Variants in TNNT2 observed in about 807,000 individuals in gnomAD.
TNNT2 encodes troponin T, cardiac muscle.
In TNNT2, 34 loss-of-function variants were observed where a neutral mutation model predicts 62.4. That is an observed-to-expected ratio of 0.54 (90% CI 0.41 to 0.72). TNNT2 has a LOEUF of 0.72. Among genes scored for constraint, TNNT2 ranks in the 30% least tolerant of loss-of-function variants. The pLI is 0.00. For missense variants in TNNT2, 275 were observed against 381.9 expected (o/e 0.72, Z 2.33); for synonymous variants, 123 against 127.2 (o/e 0.97, Z 0.22).
chr1:201,368,129 CT>C, intron 6 of TNNT2, 32 bp downstream of exon 6: 1 of 1,612,068 alleles, frequency 6.2e-7, no homozygotes, highest in Non-Finnish European at 8.5e-7. Flanking sequence ...TCGCCACCCC[CT>C]GAGGCCCCTG....
In TNNT2 at chr1:201,361,261, G is replaced by A. The variant is rs1319834068; in HGVS notation, c.810+18C>T. On this transcript the variant is annotated intron_variant, in intron 15 of 16. Coordinates refer to ENST00000656932, the MANE Select transcript of TNNT2 (RefSeq NM_001276345.2). The stretch of plus-strand genomic sequence containing the variant: ...GTGTGAGATGGAGATGCTGGGCGGG[G>A]ACAGCATGGCGGCCCACCTCATATT... The A allele has an allele frequency of 2.5e-6, 4 of 1,611,694 alleles. No homozygotes were observed. The highest frequency in any genetic ancestry group is 3.4e-6 in the Non-Finnish European group (4 of 1,177,916).
Position 201,361,560 on chromosome 1 carries a change from CG to C in TNNT2, c.720-192del, listed in dbSNP as rs1658644347. ...GACGGCAGCACCCAGTGCTCAGGAA[CG>C]GACACCAGGGACTGCCAGGGCAAAG... is the stretch of plus-strand genomic sequence containing the variant. On this transcript the variant is annotated intron_variant, in intron 14 of 16. Transcript: ENST00000656932. Among the ~76,000 whole-genome samples, 3 of 152,212 alleles carry C rather than the reference CG, an allele frequency of 2.0e-5. No individual in the cohort carries two copies. In the South Asian group the frequency reaches 6.2e-4, roughly 31 times the overall value.
At chr1:201,364,083 T>A (rs1659214219) in intron 11 of TNNT2, 1 of 560,698 alleles carries the variant, frequency 1.8e-6, no homozygotes, top group Non-Finnish European at 3.2e-6. Flanking sequence ...ACAGGGTTTC[T>A]CCGTTGGTCA....
intron 4 of TNNT2, among the ~76,000 whole-genome samples, chr1:201,371,475 A>C (rs1053816272): frequency 6.6e-6 from 1 of 152,232 alleles, no homozygotes; most frequent in African/African-American, 2.4e-5. Flanking sequence ...AAATTACTAA[A>C]TGGAATCTTT....
At chr1:201,359,375 G>A (rs928086551) in intron 16 of TNNT2, 120 bp from the exon 17 acceptor site, 1 of 1,282,016 alleles carries the variant, frequency 7.8e-7, no homozygotes, top group Non-Finnish European at 1.1e-6. Flanking sequence ...GCCTCCAGGG[G>A]CAGAATAGGA....
At chr1:201,365,354 C>A in intron 9 of TNNT2, 47 bp from the exon 10 acceptor site, 1 of 1,530,396 alleles carries the variant, frequency 6.5e-7, no homozygotes, top group African/African-American at 1.4e-5. Flanking sequence ...CCAAAGAGTC[C>A]AGAGGAGAGA....
chr1:201,364,331 A>C lies in TNNT2; in HGVS notation c.456T>G (p.Asn152Lys), dbSNP rs1659262013. ...AERAEQQRIR[N>K]EREKERQNRL... ...GGTTCTGCCGCTCCTTCTCCCGCTCATTCCGGATGCGCTGCTGCTCGGCCC... is the reference window on the plus strand; with the variant it reads ...GGTTCTGCCGCTCCTTCTCCCGCTCCTTCCGGATGCGCTGCTGCTCGGCCC... The change falls in exon 11 of 17, where the codon AAT (asparagine) becomes AAG (lysine). Residue 152 changes from asparagine (N) to lysine (K), a missense_variant. Asn to Lys is a moderately conservative substitution (Grantham distance 94). Transcript: ENST00000656932. The C allele has an allele frequency of 6.2e-7, 1 of 1,613,364 alleles. No homozygotes were observed. Among genetic ancestry groups the C allele is most frequent in the Non-Finnish European group, 8.5e-7 (1 of 1,179,996 alleles).
chr1:201,367,738 G>C (rs369424692), intron 7 of TNNT2, 33 bp downstream of exon 7: 1 of 1,613,194 alleles, frequency 6.2e-7, no homozygotes. Context: ...GGGTTCCTTT[G>C]CCTCCCTTGT....
At chr1:201,369,935 C>T (rs1018784172) in intron 4 of TNNT2, 90 bp from the exon 5 acceptor site, 96 of 1,474,162 alleles carry the variant, frequency 6.5e-5, no homozygotes, top group African/African-American at 9.7e-5. Flanking sequence ...AGCCACCCAG[C>T]GCAGTGGTTT....
chr1:201,369,122 C>T (rs754879518), intron 5 of TNNT2, among the ~76,000 whole-genome samples: 15 of 152,260 alleles, frequency 9.9e-5, no homozygotes, highest in Admixed American at 2.6e-4. Flanking sequence ...CCTCATCTGA[C>T]GTGTCATTTC....
Position 201,359,633 on chromosome 1 carries a change from T to C in TNNT2, c.841A>G (p.Asn281Asp). 6.3e-7 allele frequency: 1 copy of C among 1,599,446 alleles called. No homozygotes were observed. The highest frequency in any genetic ancestry group is 8.5e-7 in the Non-Finnish European group (1 of 1,171,542). ...INVLRNRINDNQKVSKTRGKA... is the reference protein window; with the variant it reads ...INVLRNRINDDQKVSKTRGKA... ...ACCTCAGACACTTACACTTTCTGGTTATCGTTGATCCTGTTTCGGAGAACA... is the reference window on the plus strand; with the variant it reads ...ACCTCAGACACTTACACTTTCTGGTCATCGTTGATCCTGTTTCGGAGAACA... Residue 281 changes from asparagine to aspartate, a missense_variant, in exon 16 of 17, where the codon AAC becomes GAC. Physicochemically the swap from Asn to Asp is conservative, Grantham distance 23. Transcript: ENST00000656932.
At chr1:201,359,730 G>T in intron 15 of TNNT2, 67 bp from the exon 16 acceptor site, 1 of 1,432,314 alleles carries the variant, frequency 7.0e-7, no homozygotes, top group East Asian at 2.5e-5. Flanking sequence ...CAGGTGGCCT[G>T]GGGATGGGGA....
At chr1:201,375,702 T>C (rs2102330968) in intron 1 of TNNT2, among the ~76,000 whole-genome samples, 1 of 152,260 alleles carries the variant, frequency 6.6e-6, no homozygotes, top group Non-Finnish European at 1.5e-5. Flanking sequence ...GAGGAGCTCC[T>C]ACCTGAGCCC....
intron 1 of TNNT2, 86 bp downstream of exon 1, chr1:201,377,535 CTG>C (rs1183151410): frequency 1.3e-5 from 6 of 455,904 alleles, no homozygotes; most frequent in Non-Finnish European, 2.6e-5. Flanking sequence ...CAGGCAGACT[CTG>C]GGTAAATATG....
chr1:201,364,313 C>G lies in TNNT2; in HGVS notation c.474G>C (p.Arg158=), dbSNP rs35914325. 2,344 of 1,612,856 alleles carry G rather than the reference C, an allele frequency of 1.5e-3. 16 individuals carry two copies. In the African/African-American group the frequency reaches 0.025, roughly 17 times the overall value. ...GGTCACTCACAGCCAGGCGGTTCTGCCGCTCCTTCTCCCGCTCATTCCGGA... is the reference window on the plus strand; with the variant it reads ...GGTCACTCACAGCCAGGCGGTTCTGGCGCTCCTTCTCCCGCTCATTCCGGA... ...QRIRNEREKE[R]QNRLAEERAR... is the part of the protein sequence containing the mutation. The change falls in exon 11 of 17, where the codon CGG becomes CGC. Residue 158 remains arginine (R), a synonymous_variant. Coordinates refer to ENST00000656932, the MANE Select transcript of TNNT2 (RefSeq NM_001276345.2).
chr1:201,368,220 C>A lies in TNNT2; in HGVS notation c.105G>T (p.Glu35Asp), dbSNP rs1660031053. Residue 35 changes from glutamate to aspartate, a missense_variant, in exon 6 of 17, where the codon GAG (glutamate) becomes GAT (aspartate). By Grantham distance (45) the Glu-to-Asp change is conservative. Coordinates refer to ENST00000656932, the MANE Select transcript of TNNT2 (RefSeq NM_001276345.2). ...EDWREDEDEQEEAAEEDAEAE... is the reference protein window; with the variant it reads ...EDWREDEDEQDEAAEEDAEAE... ...CTTCAGCATCCTCTTCCGCTGCCTC[C>A]TCCTGCTCTGGAGAAGTGAAGCAGA... 1.2e-6 allele frequency: 2 copies of A among 1,614,024 alleles called. No homozygotes were observed. The highest frequency in any genetic ancestry group is 3.3e-5 in the Admixed American group (2 of 60,006).
chr1:201,367,084 CA>C lies in TNNT2; in HGVS notation c.200-214del, dbSNP rs1386547288. Reference sequence around the variant, plus strand: ...ACACTCCCCCTCCCATAGAGTTCTGCAGGGCACACACTCACGCAGTGTGGAA... The same window carrying C: ...ACACTCCCCCTCCCATAGAGTTCTGCGGGCACACACTCACGCAGTGTGGAA... On this transcript the variant is annotated intron_variant, in intron 7 of 16. Coordinates refer to ENST00000656932, the MANE Select transcript of TNNT2 (RefSeq NM_001276345.2). 1.3e-5 allele frequency: 9 copies of C among 714,634 alleles called. No individual in the cohort carries two copies. In the South Asian group the frequency reaches 1.3e-4, roughly 10 times the overall value. The allele number at this position is 714,634 out of a possible 1,614,324, so 44.3% of individuals were successfully genotyped here.
chr1:201,366,658 C>T, intron 8 of TNNT2, 180 bp downstream of exon 8: 1 of 1,499,630 alleles, frequency 6.7e-7, no homozygotes, highest in Non-Finnish European at 8.9e-7. Context: ...ATTCAGCCCT[C>T]ACTCACTCCC....
At position 201,361,918 on chromosome 1, in the gene TNNT2, C is replaced by A; in HGVS notation, c.714G>T (p.Gln238His). ...CCATTCCTCCCAGCCCCCACCTCAG[C>A]TGATCTTCATTCAGGTGGTCAATGG... ...VLAIDHLNED[Q>H]LREKAKELWQ... Residue 238 changes from glutamine (Q) to histidine (H), a missense_variant, in exon 14 of 17, where the codon CAG becomes CAT. Coordinates refer to ENST00000656932, the MANE Select transcript of TNNT2 (RefSeq NM_001276345.2). The A allele has an allele frequency of 1.2e-6, 2 of 1,613,972 alleles. No homozygotes were observed. The highest frequency in any genetic ancestry group is 8.5e-7 in the Non-Finnish European group (1 of 1,179,788).
Sources: gnomAD v4.1 joint callset for allele counts (sites outside exome capture counted in the v4.1 genomes callset) on GRCh38, gnomAD v4.1.1 for gene constraint, MANE v1.5 for transcripts, NCBI Gene and HGNC (gene_info 2026-07-23, HGNC 2026-07-21) for gene names.